Variants in DCDC1 observed in about 807,000 individuals in gnomAD.
DCDC1 encodes doublecortin domain containing 1.
A neutral mutation model predicts 178.3 loss-of-function variants in DCDC1; 200 were observed. The ratio of observed to expected loss-of-function variants is 1.12; its 90% confidence interval spans 1.00 to 1.26. The LOEUF (loss-of-function observed/expected upper bound fraction) is 1.26, where lower values mean the gene tolerates loss of function less well. Among genes scored for constraint, DCDC1 ranks in the 50% most tolerant of loss-of-function variants. The pLI, the probability that DCDC1 is intolerant of heterozygous loss-of-function variation, is 0.00. For synonymous variants in DCDC1, 690 were observed against 604.8 expected (o/e 1.14, Z -2.07); for missense variants, 1,983 against 1,749.2 (o/e 1.13, Z -2.38).
intron 9 of DCDC1, among the ~76,000 whole-genome samples, chr11:31,150,800 C>T (rs905333081): frequency 9.9e-5 from 15 of 151,952 alleles, no homozygotes; most frequent in African/African-American, 3.1e-4. Flanking sequence ...CAAAAAAACC[C>T]TAAAATTCAT....
intron 7 of DCDC1, among the ~76,000 whole-genome samples, chr11:31,278,188 G>A (rs1946135362): frequency 6.6e-6 from 1 of 152,078 alleles, no homozygotes; most frequent in African/African-American, 2.4e-5. Context: ...ATTTACCCAT[G>A]TATGTGTGGG....
intron 20 of DCDC1, among the ~76,000 whole-genome samples, chr11:30,986,600 G>A (rs1590666045): frequency 6.6e-6 from 1 of 152,116 alleles, no homozygotes; most frequent in Non-Finnish European, 1.5e-5. Flanking sequence ...CAAAGTGCTG[G>A]GATTACAGGT....
chr11:31,286,963 T>C (rs1946882173), intron 7 of DCDC1, among the ~76,000 whole-genome samples: 2 of 152,088 alleles, frequency 1.3e-5, no homozygotes, highest in South Asian at 4.1e-4. Context: ...GCAGACTTTA[T>C]GTGGTGAAAT....
At chr11:31,304,896 C>T (rs1948353771) in intron 6 of DCDC1, among the ~76,000 whole-genome samples, 1 of 152,046 alleles carries the variant, frequency 6.6e-6, no homozygotes, top group Non-Finnish European at 1.5e-5. Context: ...GTACAACATG[C>T]TTGGAAGAAT....
In DCDC1 at chr11:30,903,538, T is replaced by C; in HGVS notation, c.4454A>G (p.Gln1485Arg). ...TCCAACAGGAGCTGCATCTTGCTTT[T>C]GTTTCTCAGAGTCTCTCTGGAGAAA... ...ESFLQRDSEK[Q>R]KQDAAPVGKE... The change falls in exon 32 of 39, where the codon CAA becomes CGA. Residue 1485 changes from glutamine (Q) to arginine (R), a missense_variant. Coordinates refer to ENST00000684477, the MANE Select transcript of DCDC1 (RefSeq NM_001387274.1). 1.2e-6 allele frequency: 2 copies of C among 1,606,860 alleles called. No homozygotes were observed. The highest frequency in any genetic ancestry group is 2.2e-5 in the South Asian group (2 of 89,422).
intron 7 of DCDC1, among the ~76,000 whole-genome samples, chr11:31,274,665 C>T (rs956230294): frequency 6.6e-6 from 1 of 150,922 alleles, no homozygotes; most frequent in South Asian, 2.1e-4. Context: ...ACCTACTCCA[C>T]ACACATTTAA....
At chr11:30,965,751 CT>C in intron 20 of DCDC1, among the ~76,000 whole-genome samples, 1 of 136,974 alleles carries the variant, frequency 7.3e-6, no homozygotes, top group Admixed American at 7.5e-5. Flanking sequence ...TCCCTTCCCC[CT>C]CCCCCGACCC....
chr11:31,290,966 A>C, intron 6 of DCDC1, 114 bp from the exon 7 acceptor site: 1 of 931,984 alleles, frequency 1.1e-6, no homozygotes, highest in Non-Finnish European at 1.6e-6. Context: ...GTCTCCATTT[A>C]GATGCTGGTT....
At chr11:30,981,721 T>A (rs1207555318) in intron 20 of DCDC1, among the ~76,000 whole-genome samples, 1 of 152,202 alleles carries the variant, frequency 6.6e-6, no homozygotes, top group Non-Finnish European at 1.5e-5. Flanking sequence ...GGCTGTGTTT[T>A]AAATTTGTCT....
intron 1 of DCDC1, among the ~76,000 whole-genome samples, chr11:31,345,374 T>C (rs930533601): frequency 4.6e-5 from 7 of 152,202 alleles, no homozygotes; most frequent in Admixed American, 1.3e-4. Context: ...ACGTTATGTA[T>C]ATGTGTACGT....
At chr11:31,365,491 T>C (rs1481972603) in intron 1 of DCDC1, among the ~76,000 whole-genome samples, 1 of 152,082 alleles carries the variant, frequency 6.6e-6, no homozygotes, top group Admixed American at 6.5e-5. Flanking sequence ...GAATAGGAAA[T>C]AATTAGCAGA....
intron 20 of DCDC1, among the ~76,000 whole-genome samples, chr11:30,965,772 C>T (rs188537280): frequency 7.5e-5 from 10 of 133,396 alleles, no homozygotes; most frequent in Admixed American, 4.7e-4. Flanking sequence ...CCACCACAGT[C>T]CCCAGAGTGT....
At chr11:31,254,835 G>A (rs1944304649) in intron 8 of DCDC1, among the ~76,000 whole-genome samples, 1 of 152,144 alleles carries the variant, frequency 6.6e-6, no homozygotes, top group East Asian at 1.9e-4. Context: ...TTAAAGTGAA[G>A]AGCTCAGTGG....
At chr11:31,122,131 A>T (rs1960900561) in intron 11 of DCDC1, among the ~76,000 whole-genome samples, 1 of 152,060 alleles carries the variant, frequency 6.6e-6, no homozygotes, top group African/African-American at 2.4e-5. Flanking sequence ...AACTGATATG[A>T]GTTGATTCTG....
chr11:31,309,676 G>A (rs1010127861), intron 3 of DCDC1, among the ~76,000 whole-genome samples: 1 of 151,776 alleles, frequency 6.6e-6, no homozygotes, highest in Non-Finnish European at 1.5e-5. Context: ...AGTAGAATAA[G>A]GTGTCTTTTT....
chr11:31,164,538 CT>C (rs36034307), intron 9 of DCDC1, among the ~76,000 whole-genome samples: 1 of 151,188 alleles, frequency 6.6e-6, no homozygotes, highest in African/African-American at 2.4e-5. Flanking sequence ...TTGTGTCAGT[CT>C]TTTTTTTAAC....
intron 9 of DCDC1, among the ~76,000 whole-genome samples, chr11:31,150,273 G>A (rs7104231): frequency 0.26 from 40,036 of 152,062 alleles, 5,413 homozygotes; most frequent in African/African-American, 0.32. Flanking sequence ...TAAAAGGATT[G>A]CATGCTATGT....
At chr11:31,016,499 T>C (rs545423894) in intron 20 of DCDC1, among the ~76,000 whole-genome samples, 3 of 152,188 alleles carry the variant, frequency 2.0e-5, no homozygotes, top group Non-Finnish European at 4.4e-5. Flanking sequence ...GTGAATCACA[T>C]GAAGTGTTAT....
At position 31,321,510 on chromosome 11, in the gene DCDC1, G is replaced by A. The variant is rs1591754120; in HGVS notation, c.164+6607C>T. Among the ~76,000 whole-genome samples the A allele has an allele frequency of 2.0e-5, 3 of 152,202 alleles. 1 individual carries two copies. The East Asian group carries it at 5.8e-4, about 30-fold the overall frequency. Reference sequence around the variant, plus strand: ...GTGAGGCAATGCCTCGCCCAGCTTCGGCTCGCGCACGGTGCACACACACAC... The same window carrying A: ...GTGAGGCAATGCCTCGCCCAGCTTCAGCTCGCGCACGGTGCACACACACAC... On this transcript the variant is annotated intron_variant, in intron 3 of 38. Coordinates refer to ENST00000684477, the MANE Select transcript of DCDC1 (RefSeq NM_001387274.1).
Sources: allele counts gnomAD v4.1 joint callset (sites outside exome capture counted in the v4.1 genomes callset), GRCh38; gene constraint gnomAD v4.1.1; transcripts MANE v1.5; gene names NCBI Gene and HGNC (gene_info 2026-07-23, HGNC 2026-07-21).